HDAC9: variants seen among roughly 807,000 people sequenced by gnomAD.
HDAC9 encodes the protein MEF-2 interacting transcription repressor (MITR) protein.
In HDAC9, 41 loss-of-function variants were observed where a neutral mutation model predicts 139.4. That is an observed-to-expected ratio of 0.29 (90% CI 0.23 to 0.38). HDAC9 has a LOEUF of 0.38. Among genes scored for constraint, HDAC9 ranks in the 10% least tolerant of loss-of-function variants. The probability of loss-of-function intolerance (pLI) is 1.00; values close to 1 mark genes in which losing one functional copy is unlikely to be tolerated. For synonymous variants in HDAC9, 517 were observed against 476.2 expected (o/e 1.09, Z -1.12); for missense variants, 1,147 against 1,297.0 (o/e 0.88, Z 1.78).
chr7:18,134,668 T>C (rs1037268330), intron 1 of HDAC9, among the ~76,000 whole-genome samples: 1 of 152,174 alleles, frequency 6.6e-6, no homozygotes, highest in Non-Finnish European at 1.5e-5. Flanking sequence ...GCTTTCTGTT[T>C]CTAGTTCTCA....
chr7:18,598,511 C>CCA (rs749948086), intron 6 of HDAC9, among the ~76,000 whole-genome samples: 4 of 152,094 alleles, frequency 2.6e-5, no homozygotes, highest in Admixed American at 6.6e-5. Context: ...CCTCTCTAGG[C>CCA]CACGATTCCC....
intron 13 of HDAC9, among the ~76,000 whole-genome samples, chr7:18,738,589 C>G (rs1388767841): frequency 6.6e-6 from 1 of 152,182 alleles, no homozygotes; most frequent in Non-Finnish European, 1.5e-5. Context: ...ATATTGGCCT[C>G]CACTCTCTTC....
chr7:18,740,164 T>C (rs1448750983), intron 13 of HDAC9, among the ~76,000 whole-genome samples: 1 of 152,196 alleles, frequency 6.6e-6, no homozygotes, highest in Non-Finnish European at 1.5e-5. Flanking sequence ...GTTTTTCAGG[T>C]ACAGTCTGTC....
intron 2 of HDAC9, among the ~76,000 whole-genome samples, chr7:18,498,582 G>A (rs534060039): frequency 9.9e-5 from 15 of 152,194 alleles, no homozygotes; most frequent in Admixed American, 3.9e-4. Context: ...TGGTCTGGAC[G>A]TGATTCATAG....
chr7:18,761,551 T>G (rs2129156462), intron 14 of HDAC9, among the ~76,000 whole-genome samples: 1 of 152,312 alleles, frequency 6.6e-6, no homozygotes, highest in South Asian at 2.1e-4. Flanking sequence ...CATAAAAGTT[T>G]CTAAATATTG....
intron 1 of HDAC9, among the ~76,000 whole-genome samples, chr7:18,451,589 T>A (rs770869714): frequency 6.6e-6 from 1 of 151,990 alleles, no homozygotes; most frequent in Non-Finnish European, 1.5e-5. Context: ...CCAGATATAA[T>A]GCATCCACTG....
At chr7:18,791,751 A>G (rs1792331205) in intron 16 of HDAC9, among the ~76,000 whole-genome samples, 1 of 152,142 alleles carries the variant, frequency 6.6e-6, no homozygotes, top group Non-Finnish European at 1.5e-5. Context: ...GCCACAGTGT[A>G]CTCATTCAAT....
At chr7:18,401,843 C>G (rs183913093) in intron 1 of HDAC9, among the ~76,000 whole-genome samples, 126 of 152,272 alleles carry the variant, frequency 8.3e-4, no homozygotes, top group African/African-American at 2.9e-3. Flanking sequence ...CTCTGGCCCT[C>G]TTTCCATTTT....
At position 18,472,675 on chromosome 7, in the gene HDAC9, A is replaced by T. The variant is rs113360048; in HGVS notation, c.-41-23587A>T. ...TTCAGATCTCAGGTCAAGTGTCTCC[A>T]ACTTAGCAAGAGATGCCTTCTCAAC... On this transcript the variant is annotated intron_variant, in intron 1 of 3. Transcript: ENST00000413509. Among the ~76,000 whole-genome samples, 1,299 of 152,242 alleles carry T rather than the reference A, an allele frequency of 8.5e-3. 20 individuals carry two copies. The highest frequency in any genetic ancestry group is 0.029 in the African/African-American group (1,222 of 41,526).
chr7:18,954,896 C>G (rs1366086544), intron 24 of HDAC9, among the ~76,000 whole-genome samples: 3 of 152,094 alleles, frequency 2.0e-5, no homozygotes, highest in Admixed American at 6.6e-5. Flanking sequence ...ACTTAAGAAG[C>G]CACTTGCCAG....
At chr7:18,112,826 G>A (rs897689106) in intron 1 of HDAC9, among the ~76,000 whole-genome samples, 7 of 152,176 alleles carry the variant, frequency 4.6e-5, no homozygotes, top group East Asian at 1.9e-4. Flanking sequence ...CAGGTCACAC[G>A]TACTTTTTTG....
intron 1 of HDAC9, among the ~76,000 whole-genome samples, chr7:18,363,153 C>T (rs1783914199): frequency 6.6e-6 from 1 of 152,102 alleles, no homozygotes; most frequent in Admixed American, 6.6e-5. Flanking sequence ...TTAAGGAAGG[C>T]TAGGATTTAA....
Position 18,495,951 on chromosome 7 carries a change from C to T in HDAC9, c.-114C>T. 2 of 1,251,586 alleles carry T rather than the reference C, an allele frequency of 1.6e-6. No individual in the cohort carries two copies. The highest frequency in any genetic ancestry group is 3.1e-5 in the East Asian group (1 of 32,200). The allele number at this position is 1,251,586 out of a possible 1,614,324, so 77.5% of individuals were successfully genotyped here. On this transcript the variant is annotated 5_prime_UTR_variant, in exon 1 of 26. Transcript: ENST00000686413. The stretch of plus-strand genomic sequence containing the variant: ...GAAGCACGTTCCTATTTCCCACCTG[C>T]TTGTAGTTTCCGGGATAACCTAAAC...
chr7:18,480,812 A>C (rs1040484934), intron 1 of HDAC9, among the ~76,000 whole-genome samples: 6 of 152,232 alleles, frequency 3.9e-5, no homozygotes, highest in African/African-American at 1.2e-4. Flanking sequence ...AACTTTTAGT[A>C]ATAAATGGGA....
intron 22 of HDAC9, among the ~76,000 whole-genome samples, chr7:18,901,241 C>T (rs1385594134): frequency 1.3e-5 from 2 of 148,754 alleles, no homozygotes; most frequent in East Asian, 2.0e-4. Context: ...CACACACACA[C>T]ACACACATAT....
chr7:18,530,416 A>G (rs972046697), intron 2 of HDAC9, among the ~76,000 whole-genome samples: 3 of 152,192 alleles, frequency 2.0e-5, no homozygotes, highest in Non-Finnish European at 2.9e-5. Context: ...AATAGAAACA[A>G]TGTTCAATGG....
At chr7:18,168,879 GTTTTTTTTT>G (rs112502543) in intron 2 of HDAC9, among the ~76,000 whole-genome samples, 5 of 80,876 alleles carry the variant, frequency 6.2e-5, no homozygotes, top group African/African-American at 1.7e-4. Context: ...CAAATGTCTT[GTTTTTTTTT>G]TTTTTTTTTT....
At chr7:18,744,093 C>T (rs557768471) in intron 13 of HDAC9, among the ~76,000 whole-genome samples, 26 of 146,634 alleles carry the variant, frequency 1.8e-4, no homozygotes, top group African/African-American at 6.0e-4. Flanking sequence ...CAGGTTCAAG[C>T]GATCCTCCTG....
chr7:18,776,560 A>G (rs1462119789), intron 16 of HDAC9, among the ~76,000 whole-genome samples: 1 of 152,138 alleles, frequency 6.6e-6, no homozygotes, highest in Non-Finnish European at 1.5e-5. Context: ...GAGACAAATA[A>G]GCAAGAATGA....
Sources: gnomAD v4.1 joint callset for allele counts (sites outside exome capture counted in the v4.1 genomes callset) on GRCh38, gnomAD v4.1.1 for gene constraint, MANE v1.5 for transcripts, NCBI Gene and HGNC (gene_info 2026-07-23, HGNC 2026-07-21) for gene names.